Variants in CADM2 observed in about 807,000 individuals in gnomAD.
The protein encoded by CADM2 is cell adhesion molecule 2.
Under a neutral mutation model 49.8 loss-of-function variants are expected in CADM2, and 12 were observed. The observed-to-expected ratio is 0.24, with a 90% CI of 0.15 to 0.39. The LOEUF (loss-of-function observed/expected upper bound fraction) is 0.39. Among genes scored for constraint, CADM2 ranks in the 10% least tolerant of loss-of-function variants. The probability of loss-of-function intolerance (pLI) is 1.00; values close to 1 mark genes in which losing one functional copy is unlikely to be tolerated. For synonymous variants in CADM2, 214 were observed against 175.4 expected (o/e 1.22, Z -1.74); for missense variants, 378 against 492.3 (o/e 0.77, Z 2.20).
At chr3:85,543,869 A>G (rs2061605306) in intron 1 of CADM2, among the ~76,000 whole-genome samples, 1 of 152,130 alleles carries the variant, frequency 6.6e-6, no homozygotes, top group Admixed American at 6.5e-5. Flanking sequence ...ACCTTTCAAC[A>G]CTGTCACATA....
At chr3:85,952,743 C>T (rs1723593477) in intron 7 of CADM2, among the ~76,000 whole-genome samples, 1 of 150,830 alleles carries the variant, frequency 6.6e-6, no homozygotes, top group South Asian at 2.1e-4. Flanking sequence ...TTTTTCAGGG[C>T]TCTTTTATTG....
chr3:85,993,682 G>C (rs1729043912), intron 8 of CADM2: 1 of 152,094 alleles, frequency 6.6e-6, no homozygotes, highest in African/African-American at 2.4e-5. Context: ...AATGGATGTT[G>C]TGTTTAACAG....
At chr3:85,755,246 C>A (rs1243495919) in intron 2 of CADM2, among the ~76,000 whole-genome samples, 1 of 152,136 alleles carries the variant, frequency 6.6e-6, no homozygotes, top group Non-Finnish European at 1.5e-5. Flanking sequence ...TCCTCTCCTC[C>A]CCCTCCAGGT....
At chr3:85,442,587 AG>A (rs2037254486) in intron 1 of CADM2, among the ~76,000 whole-genome samples, 3 of 88,258 alleles carry the variant, frequency 3.4e-5, no homozygotes, top group African/African-American at 1.7e-4. Flanking sequence ...CTTATATATG[AG>A]TATATATATA....
At chr3:85,553,110 A>C in intron 1 of CADM2, among the ~76,000 whole-genome samples, 1 of 152,208 alleles carries the variant, frequency 6.6e-6, no homozygotes, top group East Asian at 1.9e-4. Flanking sequence ...TAATTAAATA[A>C]ATAAAAAATA....
intron 1 of CADM2, among the ~76,000 whole-genome samples, chr3:85,484,877 A>C (rs895419965): frequency 6.6e-6 from 1 of 151,894 alleles, no homozygotes; most frequent in African/African-American, 2.4e-5. Flanking sequence ...CATATGATAG[A>C]GTTTGGATTT....
intron 1 of CADM2, among the ~76,000 whole-genome samples, chr3:85,166,879 T>A (rs1342897325): frequency 6.6e-6 from 1 of 151,964 alleles, no homozygotes; most frequent in Non-Finnish European, 1.5e-5. Context: ...AGGACTCAAT[T>A]TATTTGTATT....
At chr3:85,658,728 T>G (rs1377813458) in intron 1 of CADM2, among the ~76,000 whole-genome samples, 1 of 150,648 alleles carries the variant, frequency 6.6e-6, no homozygotes, top group Non-Finnish European at 1.5e-5. Flanking sequence ...TCTATTAGTG[T>G]TCTTACAGCA....
intron 9 of CADM2, 129 bp from the exon 10 acceptor site, chr3:86,066,536 A>T (rs1578107259): frequency 1.5e-6 from 1 of 686,290 alleles, no homozygotes. Context: ...GCAACTTTAG[A>T]AGAGTCAATC....
intron 1 of CADM2, among the ~76,000 whole-genome samples, chr3:85,001,567 C>T (rs905403229): frequency 6.6e-6 from 1 of 151,886 alleles, no homozygotes; most frequent in African/African-American, 2.4e-5. Flanking sequence ...TTTTGCTCAC[C>T]TAGAGATGGT....
chr3:85,494,051 C>G (rs1199742909), intron 1 of CADM2, among the ~76,000 whole-genome samples: 1 of 152,074 alleles, frequency 6.6e-6, no homozygotes, highest in East Asian at 1.9e-4. Context: ...AGTCCCAATA[C>G]TTGTTAAATG....
intron 8 of CADM2, chr3:86,014,083 G>A (rs1157241419): frequency 1.1e-5 from 14 of 1,291,010 alleles, no homozygotes; most frequent in Non-Finnish European, 1.5e-5. Context: ...TAAGAAAGGG[G>A]TAAAGAACTG....
chr3:85,044,117 T>C (rs778219762), intron 1 of CADM2, among the ~76,000 whole-genome samples: 3 of 152,110 alleles, frequency 2.0e-5, no homozygotes, highest in Non-Finnish European at 4.4e-5. Flanking sequence ...CCTTAGCTTA[T>C]TGCCAACCAA....
intron 1 of CADM2, among the ~76,000 whole-genome samples, chr3:85,558,802 A>G (rs1297881978): frequency 6.6e-6 from 1 of 152,080 alleles, no homozygotes; most frequent in Admixed American, 6.6e-5. Flanking sequence ...TGTTTAAAGC[A>G]TCTCGTTCAT....
intron 1 of CADM2, among the ~76,000 whole-genome samples, chr3:85,066,760 C>T (rs1179518699): frequency 5.9e-5 from 9 of 152,136 alleles, no homozygotes; most frequent in Non-Finnish European, 2.9e-5. Context: ...TTTGTTTATT[C>T]GTTTTTAAAC....
chr3:85,600,338 C>T (rs938746731), intron 1 of CADM2, among the ~76,000 whole-genome samples: 1 of 151,860 alleles, frequency 6.6e-6, no homozygotes, highest in African/African-American at 2.4e-5. Flanking sequence ...TTGTAAAGTC[C>T]ATTAGGGTAG....
At chr3:85,229,736 A>G (rs574009678) in intron 1 of CADM2, among the ~76,000 whole-genome samples, 2 of 152,330 alleles carry the variant, frequency 1.3e-5, no homozygotes, top group Middle Eastern at 3.4e-3. Context: ...CAGATACCCT[A>G]GCAAAAGTAT....
intron 1 of CADM2, among the ~76,000 whole-genome samples, chr3:85,100,287 T>G (rs1419133390): frequency 6.6e-6 from 1 of 152,222 alleles, no homozygotes; most frequent in Non-Finnish European, 1.5e-5. Context: ...TCTGCTTGTC[T>G]TCATAACCAT....
At chr3:85,343,788 C>A (rs1440336190) in intron 1 of CADM2, among the ~76,000 whole-genome samples, 1 of 152,118 alleles carries the variant, frequency 6.6e-6, no homozygotes, top group Non-Finnish European at 1.5e-5. Context: ...AGGCTGGAGC[C>A]GAACTTTCAC....
Sources: gnomAD v4.1 joint callset for allele counts (sites outside exome capture counted in the v4.1 genomes callset) on GRCh38, gnomAD v4.1.1 for gene constraint, MANE v1.5 for transcripts, NCBI Gene and HGNC (gene_info 2026-07-23, HGNC 2026-07-21) for gene names.